CCDC50: variants seen among roughly 807,000 people sequenced by gnomAD.
CCDC50 encodes the protein coiled-coil domain containing 50.
Under a neutral mutation model 70.2 loss-of-function variants are expected in CCDC50, and 54 were observed. The ratio of observed to expected loss-of-function variants is 0.77; its 90% CI spans 0.62 to 0.96. The LOEUF is 0.96. CCDC50 is among the 50% of genes least tolerant of loss of function. The pLI, the probability that CCDC50 is intolerant of heterozygous loss-of-function variation, is 0.00. For missense variants in CCDC50, 558 were observed against 578.7 expected (o/e 0.96, Z 0.37); for synonymous variants, 216 against 198.8 (o/e 1.09, Z -0.73).
chr3:191,336,406 A>G (rs1007504451), intron 1 of CCDC50, among the ~76,000 whole-genome samples: 2 of 151,884 alleles, frequency 1.3e-5, no homozygotes, highest in African/African-American at 4.8e-5. Context: ...TTTAATTTGT[A>G]TTTCCCTAAT....
chr3:191,387,997 A>G (rs752414389), intron 10 of CCDC50, among the ~76,000 whole-genome samples: 12 of 152,098 alleles, frequency 7.9e-5, no homozygotes, highest in Non-Finnish European at 1.5e-4. Context: ...TTTTTCTACC[A>G]AGTCTTACAT....
chr3:191,392,181 A>T lies in CCDC50; in HGVS notation c.*421A>T, dbSNP rs185739847. ...TAAGAAATAGCTTTTTGTTGCATTA[A>T]TGTATGATATTTTGAAGGACAGAGC... On this transcript the variant is annotated 3_prime_UTR_variant, in exon 12 of 12. Transcript: ENST00000392455. 4.2e-5 allele frequency: 7 copies of T among 166,982 alleles called. No homozygotes were observed. The East Asian group carries it at 1.1e-3, about 27-fold the overall frequency. The allele number at this position is 166,982 out of a possible 1,614,324, so 10.3% of individuals were successfully genotyped here. A position where few individuals can be genotyped will look rare whatever the true frequency, so the allele number is the denominator to read the frequency against.
At chr3:191,338,865 A>G (rs1711611677) in intron 1 of CCDC50, among the ~76,000 whole-genome samples, 1 of 152,236 alleles carries the variant, frequency 6.6e-6, no homozygotes, top group Non-Finnish European at 1.5e-5. Context: ...AATTTTAATT[A>G]TATAAGATGC....
intron 1 of CCDC50, among the ~76,000 whole-genome samples, chr3:191,344,760 G>A (rs112080486): frequency 4.3e-4 from 66 of 152,156 alleles, no homozygotes; most frequent in South Asian, 2.5e-3. Context: ...TTGTATTTTT[G>A]TGGAGACGAG....
intron 6 of CCDC50, 38 bp from the exon 7 acceptor site, chr3:191,380,121 G>T: frequency 7.9e-7 from 1 of 1,264,776 alleles, no homozygotes; most frequent in South Asian, 1.3e-5. Context: ...AACATCCTCG[G>T]TTGTTTTATT....
rs777521669 is a variant in CCDC50 at position 191,380,155 on chromosome 3, A to G, written c.977-4A>G. The G allele has an allele frequency of 1.6e-6, 2 of 1,272,346 alleles. No individual in the cohort carries two copies. The highest frequency in any genetic ancestry group is 2.2e-6 in the Non-Finnish European group (2 of 914,542). The allele number at this position is 1,272,346 out of a possible 1,614,324, so 78.8% of individuals were successfully genotyped here. On this transcript the variant is annotated splice_polypyrimidine_tract_variant and splice_region_variant and intron_variant, in intron 6 of 11. Coordinates refer to ENST00000392455, the MANE Select transcript of CCDC50 (RefSeq NM_178335.3). ...TTACATTGAGTTTTTTTTTTTTTTT[A>G]AAGGAATGAAGCCAAGAGTGATGAA...
In CCDC50 at chr3:191,392,066, G is replaced by A; in HGVS notation, c.*306G>A. 1 of 321,618 alleles carries A rather than the reference G, an allele frequency of 3.1e-6. No homozygotes were observed. The highest frequency in any genetic ancestry group is 5.7e-6 in the Non-Finnish European group (1 of 174,652). 19.9% of individuals were successfully genotyped at this position (321,618 alleles called of 1,614,324 possible). ...TGTTAGGTATGGAGTTTGGTATCTA[G>A]GGAGTAGGCCTTATTTAGCAATTCA... On this transcript the variant is annotated 3_prime_UTR_variant, in exon 12 of 12. Coordinates refer to ENST00000392455, the MANE Select transcript of CCDC50 (RefSeq NM_178335.3).
chr3:191,379,276 C>T (rs1471082001), intron 6 of CCDC50, among the ~76,000 whole-genome samples: 1 of 152,008 alleles, frequency 6.6e-6, no homozygotes, highest in Non-Finnish European at 1.5e-5. Flanking sequence ...AAAGCACCCT[C>T]ATGTGATTCG....
chr3:191,349,452 G>T (rs954255440), intron 1 of CCDC50, among the ~76,000 whole-genome samples: 1 of 141,732 alleles, frequency 7.1e-6, no homozygotes, highest in Non-Finnish European at 1.6e-5. Context: ...TGAAAAGAGG[G>T]TTAGAGAGAT....
intron 10 of CCDC50, among the ~76,000 whole-genome samples, chr3:191,385,030 G>A (rs1713441366): frequency 6.6e-6 from 1 of 152,156 alleles, no homozygotes; most frequent in African/African-American, 2.4e-5. Context: ...GTAGTCTATA[G>A]TGTATATGTA....
intron 1 of CCDC50, among the ~76,000 whole-genome samples, chr3:191,332,395 A>G (rs1718020454): frequency 6.6e-6 from 1 of 152,240 alleles, no homozygotes; most frequent in African/African-American, 2.4e-5. Flanking sequence ...GGTGAAAAGA[A>G]TCAAGTCAAC....
intron 10 of CCDC50, among the ~76,000 whole-genome samples, chr3:191,383,408 G>A (rs1482358155): frequency 2.0e-5 from 3 of 150,822 alleles, no homozygotes; most frequent in Non-Finnish European, 4.4e-5. Context: ...AAGTCTCTGG[G>A]GAAGTAACCT....
At position 191,397,089 on chromosome 3, in the gene CCDC50, G is replaced by A. The variant is rs932985118; in HGVS notation, c.*5329G>A. The A allele has an allele frequency of 6.6e-6, 1 of 152,148 alleles. No homozygotes were observed. Among genetic ancestry groups the A allele is most frequent in the African/African-American group, 2.4e-5 (1 of 41,432 alleles). 9.4% of individuals were successfully genotyped at this position (152,148 alleles called of 1,614,324 possible). On this transcript the variant is annotated 3_prime_UTR_variant, in exon 12 of 12. Transcript: ENST00000392455. ...TAATGCCCTGTTATTCATTGCTGAG[G>A]TTCATATAAAGAATAGAAAAATTGA...
Position 191,394,188 on chromosome 3 carries a change from T to C in CCDC50, c.*2428T>C, listed in dbSNP as rs1298553924. 6.6e-6 allele frequency: 1 copy of C among 152,174 alleles called. No individual in the cohort carries two copies. The highest frequency in any genetic ancestry group is 6.5e-5 in the Admixed American group (1 of 15,278). 9.4% of individuals were successfully genotyped at this position (152,174 alleles called of 1,614,324 possible). A position where few individuals can be genotyped will look rare whatever the true frequency, so the allele number is the denominator to read the frequency against. ...TCTTTATTGAAAATTTGTTACTTTT[T>C]TTAAAGGTTTTTAAAAGATTACAAT... On this transcript the variant is annotated 3_prime_UTR_variant, in exon 12 of 12. Transcript: ENST00000392455.
chr3:191,359,971 C>T (rs970801833), intron 3 of CCDC50, among the ~76,000 whole-genome samples: 1 of 152,032 alleles, frequency 6.6e-6, no homozygotes, highest in Non-Finnish European at 1.5e-5. Context: ...AGAGAAGAAC[C>T]GGGTATTATA....
chr3:191,330,325 ACAC>A (rs1717933874), intron 1 of CCDC50: 1 of 149,948 alleles, frequency 6.7e-6, no homozygotes, highest in Non-Finnish European at 1.5e-5. Flanking sequence ...ACACACACAC[ACAC>A]AATAGTGAGC....
chr3:191,359,764 GT>G (rs2108650303), intron 3 of CCDC50, among the ~76,000 whole-genome samples: 1 of 152,276 alleles, frequency 6.6e-6, no homozygotes, highest in Non-Finnish European at 1.5e-5. Flanking sequence ...AAGCTAGAAT[GT>G]TCTAGAGTTC....
At chr3:191,346,051 C>A (rs1406220028) in intron 1 of CCDC50, among the ~76,000 whole-genome samples, 1 of 152,092 alleles carries the variant, frequency 6.6e-6, no homozygotes, top group African/African-American at 2.4e-5. Flanking sequence ...GAAAACTGAA[C>A]AACTTTTCAT....
At chr3:191,369,828 A>T in intron 4 of CCDC50, 91 bp from the exon 5 acceptor site, 2 of 890,910 alleles carry the variant, frequency 2.2e-6, no homozygotes, top group Non-Finnish European at 3.8e-6. Flanking sequence ...CAGAGCACAT[A>T]CAAACTTGGC....
Sources: allele counts gnomAD v4.1 joint callset (sites outside exome capture counted in the v4.1 genomes callset), GRCh38; gene constraint gnomAD v4.1.1; transcripts MANE v1.5; gene names NCBI Gene and HGNC (gene_info 2026-07-23, HGNC 2026-07-21).